The following SHANK2 variants were observed in gnomAD, a reference collection of about 807,000 sequenced individuals.
SHANK2 encodes SH3 and multiple ankyrin repeat domains 2, also known as SH3 and multiple ankyrin repeat domains protein 2.
In SHANK2, 43 loss-of-function variants were observed where a neutral mutation model predicts 133.7. The observed-to-expected ratio is 0.32, with a 90% confidence interval of 0.25 to 0.41. The LOEUF (loss-of-function observed/expected upper bound fraction) is 0.41, where lower values mean the gene tolerates loss of function less well. Among genes scored for constraint, SHANK2 ranks in the 10% least tolerant of loss-of-function variants. The pLI is 1.00. For synonymous variants in SHANK2, 1,017 were observed against 952.8 expected (o/e 1.07, Z -1.24); for missense variants, 1,994 against 2,235.8 (o/e 0.89, Z 2.18).
At chr11:70,923,168 G>T (rs1950375017) in intron 10 of SHANK2, among the ~76,000 whole-genome samples, 1 of 152,158 alleles carries the variant, frequency 6.6e-6, no homozygotes, top group Non-Finnish European at 1.5e-5. Flanking sequence ...TCAGGAGGGG[G>T]TGATAATAGA....
In SHANK2 at chr11:70,896,740, C is replaced by G. The variant is rs141775585; in HGVS notation, c.1108-173G>C. ...ACCTTGCCAACCACCACACTCACTT[C>G]TCTCAAAGCAGTTGGCTGTTCTATG... On this transcript the variant is annotated intron_variant, in intron 10 of 25. Transcript: ENST00000601538. Among the ~76,000 whole-genome samples, 220 of 152,358 alleles carry G rather than the reference C, an allele frequency of 1.4e-3. 1 individual carries two copies. Among genetic ancestry groups the G allele is most frequent in the African/African-American group, 5.2e-3 (215 of 41,584 alleles).
Position 70,487,346 on chromosome 11 carries a change from G to C in SHANK2, c.2947C>G (p.Gln983Glu). 6.2e-7 allele frequency: 1 copy of C among 1,614,142 alleles called. No individual in the cohort carries two copies. The highest frequency in any genetic ancestry group is 2.2e-5 in the East Asian group (1 of 44,860). ...TCTGAGTATGGGTTTTCTGGCATCTGGCCTCTCTTGTTGCGGAAGTTGGCT... is the reference window on the plus strand; with the variant it reads ...TCTGAGTATGGGTTTTCTGGCATCTCGCCTCTCTTGTTGCGGAAGTTGGCT... ...PQANFRNKRG[Q>E]MPENPYSEVG... Residue 983 changes from glutamine (Q) to glutamate (E), a missense_variant, in exon 25 of 26, where the codon CAG (glutamine) becomes GAG (glutamate). Gln to Glu is a conservative substitution (Grantham distance 29, BLOSUM62 2). This residue lies in a region of SHANK2 where 488 missense variants were observed against 642.6 expected (regional missense o/e 0.76). Coordinates refer to ENST00000601538, the MANE Select transcript of SHANK2 (RefSeq NM_012309.5). The surrounding 1 kb of genome is among the most constrained non-coding windows in gnomAD (Gnocchi z 5.8).
intron 1 of SHANK2, among the ~76,000 whole-genome samples, chr11:71,248,010 G>C (rs782573548): frequency 6.6e-6 from 1 of 152,186 alleles, no homozygotes; most frequent in Non-Finnish European, 1.5e-5. Context: ...AGCGAGCTGC[G>C]TTTCAGCCAG....
intron 3 of SHANK2, among the ~76,000 whole-genome samples, chr11:71,119,414 T>C (rs1590930947): frequency 1.3e-5 from 2 of 152,120 alleles, no homozygotes; most frequent in South Asian, 4.2e-4. Context: ...ACCCCATCGC[T>C]GCTAAAAATA....
At chr11:70,607,522 A>C (rs1344381566) in intron 17 of SHANK2, among the ~76,000 whole-genome samples, 1 of 152,126 alleles carries the variant, frequency 6.6e-6, no homozygotes, top group Non-Finnish European at 1.5e-5. Context: ...GCACGCACAC[A>C]CTGGCTCTAG....
intron 17 of SHANK2, among the ~76,000 whole-genome samples, chr11:70,589,476 C>T (rs1364976174): frequency 6.6e-6 from 1 of 152,162 alleles, no homozygotes; most frequent in Non-Finnish European, 1.5e-5. Flanking sequence ...GACAATGAAC[C>T]TGGTCACCCA....
At chr11:71,070,002 G>C (rs998370062) in intron 9 of SHANK2, among the ~76,000 whole-genome samples, 1 of 152,312 alleles carries the variant, frequency 6.6e-6, no homozygotes, top group African/African-American at 2.4e-5. Flanking sequence ...AGACAAGGGG[G>C]AGTGAGTATA....
In SHANK2 at chr11:71,199,592, G is replaced by A. The variant is rs1244087782; in HGVS notation, c.-13+25105C>T. ...GCACACTCCCCAAGCCGCAGCCCAC[G>A]CAAAGCAGCTGCAGCCTCGAAGGGA... On this transcript the variant is annotated intron_variant, in intron 2 of 25. Coordinates refer to ENST00000601538, the MANE Select transcript of SHANK2 (RefSeq NM_012309.5). Among the ~76,000 whole-genome samples, 7 of 152,232 alleles carry A rather than the reference G, an allele frequency of 4.6e-5. No individual in the cohort carries two copies. In the East Asian group the frequency reaches 9.6e-4, roughly 21 times the overall value.
At chr11:70,867,859 C>G (rs1387639785) in intron 11 of SHANK2, among the ~76,000 whole-genome samples, 2 of 152,224 alleles carry the variant, frequency 1.3e-5, no homozygotes, top group Non-Finnish European at 2.9e-5. Context: ...CACCGGCCGG[C>G]CCCCGCCTCC....
chr11:70,530,333 C>T (rs1160548702), intron 17 of SHANK2, among the ~76,000 whole-genome samples: 2 of 152,032 alleles, frequency 1.3e-5, no homozygotes, highest in South Asian at 2.1e-4. Flanking sequence ...CCCAGGAGTT[C>T]GAGATCAGCC....
At chr11:70,806,263 G>A (rs1177787321) in intron 13 of SHANK2, among the ~76,000 whole-genome samples, 1 of 152,202 alleles carries the variant, frequency 6.6e-6, no homozygotes, top group Non-Finnish European at 1.5e-5. Flanking sequence ...CTGGCCACGT[G>A]TGCTAGGCCT....
chr11:70,700,717 G>A (rs529469337), intron 14 of SHANK2, among the ~76,000 whole-genome samples: 3 of 152,256 alleles, frequency 2.0e-5, no homozygotes, highest in Admixed American at 6.5e-5. Context: ...CCCGTGCCTC[G>A]ACTGCAGGGA....
chr11:70,760,949 C>T (rs895208), intron 14 of SHANK2, among the ~76,000 whole-genome samples: 120,350 of 152,076 alleles, frequency 0.79, 48,480 homozygotes, highest in East Asian at 0.88. Context: ...AGGTGATGGT[C>T]CCCTGGAGGA....
chr11:70,596,001 C>T (rs2060394594), intron 17 of SHANK2, among the ~76,000 whole-genome samples: 1 of 152,212 alleles, frequency 6.6e-6, no homozygotes, highest in Non-Finnish European at 1.5e-5. Flanking sequence ...GCGGTGACCA[C>T]CTCCACGCCA....
chr11:70,767,195 C>A (rs1008302076), intron 14 of SHANK2, among the ~76,000 whole-genome samples: 3 of 152,180 alleles, frequency 2.0e-5, no homozygotes, highest in Non-Finnish European at 2.9e-5. Context: ...TGCCTTCCAG[C>A]CCAGGGTCCT....
At chr11:71,141,606 T>C (rs375723033) in intron 3 of SHANK2, among the ~76,000 whole-genome samples, 4 of 152,130 alleles carry the variant, frequency 2.6e-5, no homozygotes, top group East Asian at 3.9e-4. Context: ...GTGAGTCTAT[T>C]AAACCTGTTT....
intron 5 of SHANK2, among the ~76,000 whole-genome samples, chr11:71,110,533 C>G (rs1164472630): frequency 6.6e-6 from 1 of 151,972 alleles, no homozygotes; most frequent in African/African-American, 2.4e-5. Flanking sequence ...TGAGCCGAGG[C>G]TGCAGTGAGC....
intron 2 of SHANK2, among the ~76,000 whole-genome samples, chr11:71,166,421 C>A (rs1555110845): frequency 6.6e-6 from 1 of 152,104 alleles, no homozygotes; most frequent in Non-Finnish European, 1.5e-5. Context: ...ATGCAGCACA[C>A]CCCGGTATTA....
intron 14 of SHANK2, among the ~76,000 whole-genome samples, chr11:70,769,630 CAT>C (rs782372368): frequency 5.3e-5 from 8 of 152,210 alleles, no homozygotes; most frequent in African/African-American, 9.7e-5. Context: ...CACATGTACA[CAT>C]GTGTAAATGT....
Sources: allele counts gnomAD v4.1 joint callset (sites outside exome capture counted in the v4.1 genomes callset), GRCh38; gene constraint gnomAD v4.1.1; regional missense constraint gnomAD v4.1.1; non-coding constraint Gnocchi (gnomAD v3.1); transcripts MANE v1.5; gene names NCBI Gene and HGNC (gene_info 2026-07-23, HGNC 2026-07-21).